Variants in LGR5 observed in about 807,000 individuals in gnomAD.
The protein encoded by LGR5 is leucine-rich repeat-containing G protein-coupled receptor 5.
A neutral mutation model predicts 76.7 loss-of-function variants in LGR5; 54 were observed. The ratio of observed to expected loss-of-function variants is 0.70; its 90% CI spans 0.57 to 0.88. LGR5 has a LOEUF of 0.88. Ranked by LOEUF, LGR5 falls within the 40% of genes least tolerant of loss-of-function variation. LGR5 has a pLI of 0.00. For missense variants in LGR5, 1,078 were observed against 1,073.3 expected (o/e 1.00, Z -0.06); for synonymous variants, 406 against 421.9 (o/e 0.96, Z 0.46).
chr12:71,576,891 A>G (rs906258909), intron 13 of LGR5, among the ~76,000 whole-genome samples: 1 of 151,926 alleles, frequency 6.6e-6, no homozygotes, highest in African/African-American at 2.4e-5. Flanking sequence ...TCACTCAATT[A>G]CCCAAAGCCC....
At chr12:71,512,571 T>G (rs1227987051) in intron 2 of LGR5, among the ~76,000 whole-genome samples, 1 of 152,054 alleles carries the variant, frequency 6.6e-6, no homozygotes, top group Non-Finnish European at 1.5e-5. Flanking sequence ...GCTGTACAGG[T>G]GGGCTGAGAA....
intron 5 of LGR5, 113 bp from the exon 6 acceptor site, chr12:71,556,506 T>C: frequency 2.7e-6 from 2 of 732,932 alleles, no homozygotes; most frequent in Non-Finnish European, 2.4e-6. Flanking sequence ...TTACATTGGC[T>C]TCTTATAAGT....
chr12:71,525,829 A>G (rs1171828159), intron 3 of LGR5, among the ~76,000 whole-genome samples: 3 of 151,342 alleles, frequency 2.0e-5, no homozygotes, highest in African/African-American at 7.3e-5. Context: ...TAGTTATTAT[A>G]ATTACATATA....
At chr12:71,491,564 G>A in intron 1 of LGR5, among the ~76,000 whole-genome samples, 1 of 151,802 alleles carries the variant, frequency 6.6e-6, no homozygotes, top group African/African-American at 2.4e-5. Flanking sequence ...TCTGGTAGAA[G>A]AACATAACTA....
intron 4 of LGR5, among the ~76,000 whole-genome samples, chr12:71,551,549 G>GA (rs1280187328): frequency 2.6e-5 from 4 of 151,704 alleles, no homozygotes; most frequent in Admixed American, 6.6e-5. Flanking sequence ...AGCAGATTGG[G>GA]AAAAAAAACA....
intron 1 of LGR5, among the ~76,000 whole-genome samples, chr12:71,461,104 C>T (rs1872667563): frequency 6.6e-6 from 1 of 152,128 alleles, no homozygotes; most frequent in Non-Finnish European, 1.5e-5. Context: ...AGCACAGCAG[C>T]CAGAAACCAC....
intron 1 of LGR5, among the ~76,000 whole-genome samples, chr12:71,457,504 T>G (rs145495510): frequency 1.7e-4 from 26 of 152,290 alleles, no homozygotes; most frequent in Non-Finnish European, 3.1e-4. Context: ...AATACATCTT[T>G]TCTGCTCATC....
intron 1 of LGR5, among the ~76,000 whole-genome samples, chr12:71,473,288 A>G (rs1873177378): frequency 6.6e-6 from 1 of 152,188 alleles, no homozygotes; most frequent in Non-Finnish European, 1.5e-5. Context: ...ATGATTTGGG[A>G]GGAAATTGTG....
At chr12:71,527,932 C>G (rs911285689) in intron 3 of LGR5, among the ~76,000 whole-genome samples, 2 of 152,200 alleles carry the variant, frequency 1.3e-5, no homozygotes, top group African/African-American at 2.4e-5. Context: ...ATAAAGAATT[C>G]TCCCTTATTC....
rs1285753366 is a variant in LGR5 at position 71,553,148 on chromosome 12, G to GATGCGTTAACAGAT, written c.504_505insATGCGTTAACAGAT (p.Leu169MetfsTer3). The GATGCGTTAACAGAT allele has an allele frequency of 6.2e-7, 1 of 1,613,892 alleles. No homozygotes were observed. Among genetic ancestry groups the GATGCGTTAACAGAT allele is most frequent in the Non-Finnish European group, 8.5e-7 (1 of 1,180,024 alleles). ...GCCTGCATTCCCTGAGGCACCTGTG[G>GATGCGTTAACAGAT]CTGGATGACAATGCGTTAACAGAAA... On this transcript the variant is annotated stop_gained and frameshift_variant, in exon 5 of 18. Coordinates refer to ENST00000266674, the MANE Select transcript of LGR5 (RefSeq NM_003667.4). LOFTEE classifies it high-confidence loss of function.
intron 2 of LGR5, among the ~76,000 whole-genome samples, chr12:71,511,582 T>C (rs1320069201): frequency 6.6e-6 from 1 of 152,140 alleles, no homozygotes; most frequent in Non-Finnish European, 1.5e-5. Context: ...GGCCAGGGAT[T>C]GGGAGGAGAA....
At chr12:71,445,498 C>T (rs1871948270) in intron 1 of LGR5, among the ~76,000 whole-genome samples, 1 of 152,234 alleles carries the variant, frequency 6.6e-6, no homozygotes, top group African/African-American at 2.4e-5. Flanking sequence ...TAACCAACTA[C>T]ATGCCCAATT....
At chr12:71,563,184 C>G (rs1279480881) in intron 8 of LGR5, among the ~76,000 whole-genome samples, 1 of 152,180 alleles carries the variant, frequency 6.6e-6, no homozygotes, top group East Asian at 1.9e-4. Context: ...TGACCACTTT[C>G]TCCCATAAAC....
intron 4 of LGR5, among the ~76,000 whole-genome samples, chr12:71,537,346 G>A (rs996588541): frequency 3.9e-5 from 6 of 152,034 alleles, no homozygotes; most frequent in Non-Finnish European, 5.9e-5. Context: ...ACATGTGCCC[G>A]CAGTCCCAGC....
chr12:71,500,670 C>G (rs1874558736), intron 1 of LGR5, among the ~76,000 whole-genome samples: 1 of 151,806 alleles, frequency 6.6e-6, no homozygotes, highest in African/African-American at 2.4e-5. Context: ...CTGTGTTGCC[C>G]AGGCTGGTCT....
In LGR5 at chr12:71,521,375, G is replaced by A. The variant is rs569862983; in HGVS notation, c.285-3031G>A. On this transcript the variant is annotated intron_variant, in intron 2 of 17. Transcript: ENST00000266674. ...GACTTCAGGGCTTTGGGACAGCTCA[G>A]TTCCACAGGGTCATCCAGCAGCCTG... Among the ~76,000 whole-genome samples the A allele has an allele frequency of 1.2e-4, 18 of 152,302 alleles. No homozygotes were observed. The South Asian group carries it at 3.1e-3, about 26-fold the overall frequency.
chr12:71,539,880 G>A (rs1371365980), intron 4 of LGR5, among the ~76,000 whole-genome samples: 1 of 152,146 alleles, frequency 6.6e-6, no homozygotes, highest in Admixed American at 6.5e-5. Flanking sequence ...GCCTGCCCCT[G>A]TACAGTATGT....
At chr12:71,535,067 TA>T in intron 3 of LGR5, 47 bp from the exon 4 acceptor site, 1 of 1,351,972 alleles carries the variant, frequency 7.4e-7, no homozygotes, top group Non-Finnish European at 1.1e-6. Flanking sequence ...TTAGGCCTGT[TA>T]TTGTTCATTT....
rs146287976 is a variant in LGR5, at chr12:71,553,121, T to A, written c.477T>A (p.Ser159Arg). 8 of 1,614,068 alleles carry A rather than the reference T, an allele frequency of 5.0e-6. No homozygotes were observed. The East Asian group carries it at 1.6e-4, about 31-fold the overall frequency. ...GCTATGTGCCCCCAAGCTGTTTCAG[T>A]GGCCTGCATTCCCTGAGGCACCTGT... Reference protein sequence around the residue: ...HISYVPPSCFSGLHSLRHLWL... With the variant: ...HISYVPPSCFRGLHSLRHLWL... Residue 159 changes from serine to arginine, a missense_variant, in exon 5 of 18, where the codon AGT becomes AGA. Coordinates refer to ENST00000266674, the MANE Select transcript of LGR5 (RefSeq NM_003667.4).
Sources: allele counts gnomAD v4.1 joint callset (sites outside exome capture counted in the v4.1 genomes callset), GRCh38; gene constraint gnomAD v4.1.1; transcripts MANE v1.5; gene names NCBI Gene and HGNC (gene_info 2026-07-23, HGNC 2026-07-21).